Variants in BCOR observed in about 807,000 individuals in gnomAD.
BCOR encodes BCL-6 corepressor.
Under a neutral mutation model 86.7 loss-of-function variants are expected in BCOR, and 10 were observed. The ratio of observed to expected loss-of-function variants is 0.12; its 90% CI spans 0.07 to 0.20. The LOEUF (loss-of-function observed/expected upper bound fraction) is 0.20. Ranked by LOEUF, BCOR falls within the 10% of genes least tolerant of loss-of-function variation. BCOR has a pLI of 1.00. For synonymous variants in BCOR, 611 were observed against 609.0 expected (o/e 1.00, Z -0.05); for missense variants, 1,259 against 1,452.1 (o/e 0.87, Z 2.16).
chrX:40,063,107 T>A (rs751902996), intron 8 of BCOR, 36 bp from the exon 9 acceptor site: 1 of 495,779 alleles, frequency 2.0e-6, no homozygotes, highest in African/African-American at 1.0e-4. Context: ...GGCGGGCGGA[T>A]GGGAGACGGG....
chrX:40,108,846 C>G (rs951238083), intron 1 of BCOR, among the ~76,000 whole-genome samples: 1 of 113,314 alleles, frequency 8.8e-6, no homozygotes, highest in African/African-American at 3.2e-5. Context: ...GTGGAGCCGG[C>G]ACGCAGGGGG....
chrX:40,116,564 C>T (rs916627452), intron 1 of BCOR, among the ~76,000 whole-genome samples: 2 of 111,210 alleles, frequency 1.8e-5, no homozygotes, highest in African/African-American at 6.6e-5. Flanking sequence ...GAAACTGAGG[C>T]TTAGAGGATA....
Position 40,151,785 on chromosome X carries a change from C to T in BCOR, c.-41+25222G>A, listed in dbSNP as rs962404520. Among the ~76,000 whole-genome samples, 4 of 112,401 alleles carry T rather than the reference C, an allele frequency of 3.6e-5. No individual in the cohort carries two copies. In the South Asian group the frequency reaches 1.5e-3, roughly 41 times the overall value. On this transcript the variant is annotated intron_variant, in intron 1 of 14. Transcript: ENST00000342274. ...ACTGGGGAGGCAGAGAGCGAGACGG[C>T]GGCCCCGCCGATCGTGTCCCGGGCG...
chrX:40,149,207 C>T (rs767519603), intron 1 of BCOR, among the ~76,000 whole-genome samples: 2 of 110,685 alleles, frequency 1.8e-5, no homozygotes, highest in African/African-American at 6.6e-5. Flanking sequence ...CACCCCCAGC[C>T]TCGGCTGCAG....
intron 1 of BCOR, among the ~76,000 whole-genome samples, chrX:40,119,232 A>G: frequency 9.5e-6 from 1 of 105,509 alleles, no homozygotes; most frequent in Non-Finnish European, 2.0e-5. Flanking sequence ...ATTTACATCT[A>G]GTTTGGGTGT....
chrX:40,090,846 G>A (rs1356677502), intron 1 of BCOR, among the ~76,000 whole-genome samples: 2 of 111,969 alleles, frequency 1.8e-5, no homozygotes, highest in African/African-American at 6.5e-5. Flanking sequence ...CGTCTGGCCA[G>A]GCAGAACAAT....
rs1343235179 is a variant in BCOR at position 40,077,622 on chromosome X, G to A, written c.86+222C>T. The A allele has an allele frequency of 1.1e-4, 46 of 429,912 alleles. No homozygotes were observed. In the East Asian group the frequency reaches 1.7e-3, roughly 16 times the overall value. The allele number at this position is 429,912 out of a possible 1,213,427, so 35.4% of individuals were successfully genotyped here. The stretch of plus-strand genomic sequence containing the variant: ...AAATATGAAATAATAAATTAAGGAC[G>A]AAAGTGCACTGAAAGGCCGCTTTAG... On this transcript the variant is annotated intron_variant, in intron 2 of 14. Coordinates refer to ENST00000378444, the MANE Select transcript of BCOR (RefSeq NM_001123385.2).
chrX:40,164,086 G>C (rs918648170), intron 1 of BCOR, among the ~76,000 whole-genome samples: 3 of 111,476 alleles, frequency 2.7e-5, no homozygotes, highest in African/African-American at 9.8e-5. Context: ...TGGTTTTCTG[G>C]AGCCCTGAGC....
In BCOR at chrX:40,128,362, A is replaced by G. The variant is rs1937568917; in HGVS notation, c.-41+48645T>C. Among the ~76,000 whole-genome samples the G allele has an allele frequency of 2.7e-5, 3 of 112,222 alleles. No individual in the cohort carries two copies. In the Admixed American group the frequency reaches 2.9e-4, roughly 11 times the overall value. The stretch of plus-strand genomic sequence containing the variant: ...GGAGTTTGAGACCAGCCTGGCCAAC[A>G]TGGCAAAACCCCGTCTCTACAAAAA... On this transcript the variant is annotated intron_variant, in intron 1 of 14. Transcript: ENST00000342274.
chrX:40,063,764 G>A lies in BCOR; in HGVS notation c.3691C>T (p.Arg1231Trp), dbSNP rs147934033. 3.3e-5 allele frequency: 40 copies of A among 1,210,207 alleles called. No individual in the cohort carries two copies. Among genetic ancestry groups the A allele is most frequent in the South Asian group, 5.3e-5 (3 of 56,838 alleles). Residue 1231 changes from arginine (R) to tryptophan (W), a missense_variant, in exon 8 of 15, where the codon CGG becomes TGG. Arg to Trp is a moderately radical substitution (Grantham distance 101). Around this residue, in one of 7 missense-constraint regions of BCOR, gnomAD observed 305 missense variants for 286.1 expected, o/e 1.07. Transcript: ENST00000378444. ...TGGGTCACTTCCTTCCTGCTTTGCCGGCCAGGTTTGCCATCTGCTGCCGAC... is the reference window on the plus strand; with the variant it reads ...TGGGTCACTTCCTTCCTGCTTTGCCAGCCAGGTTTGCCATCTGCTGCCGAC... ...QVSAADGKPG[R>W]QSRKEVTQAT...
intron 1 of BCOR, among the ~76,000 whole-genome samples, chrX:40,147,613 G>A (rs1401202754): frequency 1.1e-4 from 13 of 113,297 alleles, no homozygotes; most frequent in Non-Finnish European, 2.4e-4. Flanking sequence ...CACTCGGAGA[G>A]GCAGAGCGCG....
chrX:40,077,686 C>T, intron 2 of BCOR, 158 bp downstream of exon 2: 1 of 485,271 alleles, frequency 2.1e-6, no homozygotes, highest in Non-Finnish European at 3.6e-6. Context: ...TTCACTGAGC[C>T]AGGTTGCCTG....
At chrX:40,111,691 TAG>T (rs1319265294) in intron 1 of BCOR, among the ~76,000 whole-genome samples, 1 of 112,090 alleles carries the variant, frequency 8.9e-6, no homozygotes, top group African/African-American at 3.2e-5. Flanking sequence ...AAAAACAAAA[TAG>T]GGGGGAATAT....
At chrX:40,133,139 C>CTTTTTT (rs774822335) in intron 1 of BCOR, among the ~76,000 whole-genome samples, 1 of 100,274 alleles carries the variant, frequency 1.0e-5, no homozygotes, top group African/African-American at 3.6e-5. Context: ...TTCTTTTTTT[C>CTTTTTT]TTTTTTTTTT....
intron 1 of BCOR, among the ~76,000 whole-genome samples, chrX:40,109,179 G>C (rs1385798076): frequency 8.9e-6 from 1 of 112,025 alleles, no homozygotes; most frequent in Non-Finnish European, 1.9e-5. Context: ...TCACCGCTCG[G>C]CTCTGCGCTC....
chrX:40,117,863 G>T lies in BCOR; in HGVS notation c.-40-39894C>A, dbSNP rs750749297. On this transcript the variant is annotated intron_variant, in intron 1 of 14. Transcript: ENST00000342274. ...TTCTGACGTCCAAGGGCACCATCAA[G>T]AAGGCAGAGGCCAGTACTACTGCCC... Among the ~76,000 whole-genome samples, 20 of 111,128 alleles carry T rather than the reference G, an allele frequency of 1.8e-4. No homozygotes were observed. The East Asian group carries it at 5.6e-3, about 31-fold the overall frequency.
intron 1 of BCOR, among the ~76,000 whole-genome samples, chrX:40,143,362 T>C (rs1279527505): frequency 2.7e-5 from 3 of 112,751 alleles, no homozygotes; most frequent in Non-Finnish European, 5.6e-5. Flanking sequence ...TTTGAATTCA[T>C]TTATTTGTTT....
intron 3 of BCOR, among the ~76,000 whole-genome samples, chrX:40,075,715 C>T (rs896308115): frequency 3.6e-5 from 4 of 111,431 alleles, no homozygotes; most frequent in East Asian, 2.8e-4. Context: ...GCCAAGACTG[C>T]GCCACTGCAC....
intron 1 of BCOR, among the ~76,000 whole-genome samples, chrX:40,096,943 C>T (rs976832691): frequency 1.1e-4 from 12 of 112,587 alleles, no homozygotes; most frequent in Non-Finnish European, 1.7e-4. Context: ...CTGCTCTCCT[C>T]CTGGCCCACC....
Sources: allele counts gnomAD v4.1 joint callset (sites outside exome capture counted in the v4.1 genomes callset), GRCh38; gene constraint gnomAD v4.1.1; regional missense constraint gnomAD v4.1.1; transcripts MANE v1.5; gene names NCBI Gene and HGNC (gene_info 2026-07-23, HGNC 2026-07-21).